Variants in CHST4 observed in about 807,000 individuals in gnomAD.
The protein encoded by CHST4 is GST-3.
For missense variants in CHST4, 466 were observed against 506.0 expected, an observed-to-expected ratio of 0.92 and a Z score of 0.76; for synonymous variants, 171 against 195.5, an observed-to-expected ratio of 0.87 and a Z score of 1.05.
rs1333342099 is a variant in CHST4, at chr16:71,538,464, A to C, written c.*626A>C. On this transcript the variant is annotated 3_prime_UTR_variant, in exon 2 of 2. Coordinates refer to ENST00000539698, the MANE Select transcript of CHST4 (RefSeq NM_001166395.2). The stretch of plus-strand genomic sequence containing the variant: ...TCTGCATTTTCCCATCACATAGAAG[A>C]CTTTGACCTGTGAAGCTGCCATCTG... The C allele has an allele frequency of 6.0e-6, 1 of 167,146 alleles. No individual in the cohort carries two copies. The highest frequency in any genetic ancestry group is 2.4e-5 in the African/African-American group (1 of 41,454). 10.4% of individuals were successfully genotyped at this position (167,146 alleles called of 1,614,324 possible).
intron 1 of CHST4, among the ~76,000 whole-genome samples, chr16:71,530,426 T>C (rs1432279616): frequency 6.6e-6 from 1 of 152,050 alleles, no homozygotes; most frequent in Non-Finnish European, 1.5e-5. Flanking sequence ...ACACTGGAAA[T>C]TTATTGAAGG....
At position 71,537,511 on chromosome 16, in the gene CHST4, C is replaced by G; in HGVS notation, c.834C>G (p.Asp278Glu). The change falls in exon 2 of 2, where the codon GAC becomes GAG. Residue 278 changes from aspartate to glutamate, a missense_variant. Asp to Glu is a conservative substitution (Grantham distance 45). Coordinates refer to ENST00000539698, the MANE Select transcript of CHST4 (RefSeq NM_001166395.2). The surrounding 1 kb of genome is among the most constrained non-coding windows in gnomAD (Gnocchi z 4.2). ...GCTACCTGCTTGTGCGCTATGAGGACCTGGCTCGAGCCCCTGTGGCCCAGA... is the reference window on the plus strand; with the variant it reads ...GCTACCTGCTTGTGCGCTATGAGGAGCTGGCTCGAGCCCCTGTGGCCCAGA... ...QERYLLVRYE[D>E]LARAPVAQTS... 1 of 1,614,176 alleles carries G rather than the reference C, an allele frequency of 6.2e-7. No homozygotes were observed.
At chr16:71,535,134 A>C (rs1052744086) in intron 1 of CHST4, among the ~76,000 whole-genome samples, 4 of 152,164 alleles carry the variant, frequency 2.6e-5, no homozygotes, top group African/African-American at 9.7e-5. Flanking sequence ...TCAACTGGAA[A>C]ACCATCTTAA....
chr16:71,537,788 C>A lies in CHST4; in HGVS notation c.1111C>A (p.Leu371Met). The A allele has an allele frequency of 6.2e-7, 1 of 1,614,142 alleles. No homozygotes were observed. The highest frequency in any genetic ancestry group is 8.5e-7 in the Non-Finnish European group (1 of 1,180,024). Residue 371 changes from leucine to methionine, a missense_variant, in exon 2 of 2, where the codon CTG becomes ATG. Transcript: ENST00000539698. The surrounding 1 kb of genome is among the most constrained non-coding windows in gnomAD (Gnocchi z 4.2). ...CAGATCTGAACAAGAACAGAGAAAC[C>A]TGTTGCTGGATCTTCTGTCTACCTG... ...HVRSEQEQRN[L>M]LLDLLSTWTV...
At chr16:71,530,369 G>C (rs1446916595) in intron 1 of CHST4, among the ~76,000 whole-genome samples, 1 of 152,222 alleles carries the variant, frequency 6.6e-6, no homozygotes, top group Non-Finnish European at 1.5e-5. Flanking sequence ...ACCAGGCCAT[G>C]AAGGACCCCA....
At chr16:71,533,424 C>G (rs1597036715) in intron 1 of CHST4, among the ~76,000 whole-genome samples, 1 of 81,562 alleles carries the variant, frequency 1.2e-5, no homozygotes, top group Middle Eastern at 6.9e-3. Context: ...AAGACTCTGT[C>G]TCAAAAAAAA....
chr16:71,538,148 G>A lies in CHST4; in HGVS notation c.*310G>A, dbSNP rs941945135. The A allele has an allele frequency of 5.4e-6, 2 of 371,342 alleles. No individual in the cohort carries two copies. Among genetic ancestry groups the A allele is most frequent in the Non-Finnish European group, 5.1e-6 (1 of 196,112 alleles). 23.0% of individuals were successfully genotyped at this position (371,342 alleles called of 1,614,324 possible). ...TGTGGCCTGGAGGCCTATTAAGCAC[G>A]ACACAGTATCAGTGGAATTGATCCA... On this transcript the variant is annotated 3_prime_UTR_variant, in exon 2 of 2. Transcript: ENST00000539698.
chr16:71,536,551 T>A, intron 1 of CHST4, 109 bp from the exon 2 acceptor site: 1 of 665,556 alleles, frequency 1.5e-6, no homozygotes, highest in Non-Finnish European at 2.3e-6. Context: ...GCTTTCCATG[T>A]TGCTCCTTGG....
chr16:71,530,947 G>C (rs369040371), intron 1 of CHST4, among the ~76,000 whole-genome samples: 4 of 152,004 alleles, frequency 2.6e-5, no homozygotes, highest in East Asian at 3.9e-4. Context: ...TGGGCACGGT[G>C]GTGGGCACCT....
upstream of CHST4, chr16:71,526,156 A>T (rs2043905877): frequency 6.6e-6 from 1 of 152,098 alleles, no homozygotes; most frequent in East Asian, 1.9e-4. Context: ...AGTAGTCAAC[A>T]TGCCAGGATG....
chr16:71,536,593 G>A, intron 1 of CHST4, 67 bp from the exon 2 acceptor site: 4 of 1,247,158 alleles, frequency 3.2e-6, no homozygotes, highest in Non-Finnish European at 4.2e-6. Flanking sequence ...GCTTTGGCCA[G>A]AAGGGGAATA....
intron 1 of CHST4, among the ~76,000 whole-genome samples, chr16:71,530,090 A>G (rs1363917066): frequency 6.6e-6 from 1 of 151,990 alleles, no homozygotes; most frequent in Non-Finnish European, 1.5e-5. Flanking sequence ...GTGAGCTGAG[A>G]TCATGCCACT....
At chr16:71,536,201 G>A (rs193224673) in intron 1 of CHST4, among the ~76,000 whole-genome samples, 25 of 152,286 alleles carry the variant, frequency 1.6e-4, no homozygotes, top group Admixed American at 5.2e-4. Context: ...CAGTGGCTTC[G>A]AGGCAGTTCT....
Position 71,537,149 on chromosome 16 carries a change from C to G in CHST4, c.472C>G (p.Gln158Glu), listed in dbSNP as rs1288826134. The change falls in exon 2 of 2, where the codon CAA becomes GAA. Residue 158 changes from glutamine to glutamate, a missense_variant. By Grantham distance (29) the Gln-to-Glu change is conservative. Coordinates refer to ENST00000539698, the MANE Select transcript of CHST4 (RefSeq NM_001166395.2). This position sits in a 1 kb window ranked among gnomAD's most constrained non-coding sequence, Gnocchi z 4.2. ...PRAHCRLLCS[Q>E]QPFEVVEKAC... ...GGCTCACTGCAGGCTCCTGTGCAGT[C>G]AACAGCCCTTTGAGGTGGTGGAGAA... 1 of 1,614,166 alleles carries G rather than the reference C, an allele frequency of 6.2e-7. No homozygotes were observed.
chr16:71,536,722 C>T lies in CHST4; in HGVS notation c.45C>T (p.Ser15=), dbSNP rs1370012346. 2 of 1,495,926 alleles carry T rather than the reference C, an allele frequency of 1.3e-6. No homozygotes were observed. Among genetic ancestry groups the T allele is most frequent in the Non-Finnish European group, 1.8e-6 (2 of 1,123,898 alleles). 92.7% of individuals were successfully genotyped at this position (1,495,926 alleles called of 1,614,324 possible). A position where few individuals can be genotyped will look rare whatever the true frequency, so the allele number is the denominator to read the frequency against. Residue 15 remains serine (S), a synonymous_variant, in exon 2 of 2, where the codon TCC becomes TCT. Transcript: ENST00000539698. ...TGAAGCTCCTGCTGTTTCTGGTTTCCCAGATGGCCATCTTGGCTCTATTCT... is the reference window on the plus strand; with the variant it reads ...TGAAGCTCCTGCTGTTTCTGGTTTCTCAGATGGCCATCTTGGCTCTATTCT... ...KKMKLLLFLV[S]QMAILALFFH...
At chr16:71,533,430 AAAAAAAAAAAAC>A (rs1215026354) in intron 1 of CHST4, among the ~76,000 whole-genome samples, 6 of 144,492 alleles carry the variant, frequency 4.2e-5, no homozygotes, top group African/African-American at 1.2e-4. Context: ...CTGTCTCAAA[AAAAAAAAAAAAC>A]AAAAAAAAAA....
At chr16:71,536,200 C>T (rs137924274) in intron 1 of CHST4, among the ~76,000 whole-genome samples, 2 of 152,216 alleles carry the variant, frequency 1.3e-5, no homozygotes, top group African/African-American at 2.4e-5. Flanking sequence ...GCAGTGGCTT[C>T]GAGGCAGTTC....
At chr16:71,532,605 C>A (rs182155000) in intron 1 of CHST4, among the ~76,000 whole-genome samples, 1 of 152,148 alleles carries the variant, frequency 6.6e-6, no homozygotes, top group Admixed American at 6.5e-5. Flanking sequence ...GGAAAACCCA[C>A]GAGCTGGCAA....
chr16:71,536,945 C>T lies in CHST4; in HGVS notation c.268C>T (p.Leu90=), dbSNP rs200189366. 3.1e-6 allele frequency: 5 copies of T among 1,613,070 alleles called. No individual in the cohort carries two copies. In the Admixed American group the frequency reaches 8.3e-5, roughly 27 times the overall value. ...CTTCAAGCAGAGCACCGCCTGGATGCTGCACATGGCTGTGCGGGATCTGAT... is the reference window on the plus strand; with the variant it reads ...CTTCAAGCAGAGCACCGCCTGGATGTTGCACATGGCTGTGCGGGATCTGAT... ...MTFKQSTAWM[L]HMAVRDLIRA... is the part of the protein sequence containing the mutation. Residue 90 remains leucine (L), a synonymous_variant, in exon 2 of 2, where the codon CTG becomes TTG. Coordinates refer to ENST00000539698, the MANE Select transcript of CHST4 (RefSeq NM_001166395.2).
Sources: gnomAD v4.1 joint callset for allele counts (sites outside exome capture counted in the v4.1 genomes callset) on GRCh38, gnomAD v4.1.1 for gene constraint, Gnocchi (gnomAD v3.1) non-coding constraint, MANE v1.5 for transcripts, NCBI Gene and HGNC (gene_info 2026-07-23, HGNC 2026-07-21) for gene names.